ADAM18: variants seen among roughly 807,000 people sequenced by gnomAD.
The protein encoded by ADAM18 is disintegrin and metalloproteinase domain-containing protein 18.
In ADAM18, 117 loss-of-function variants were observed where a neutral mutation model predicts 94.4. The observed-to-expected ratio is 1.24, with a 90% CI of 1.07 to 1.45. The LOEUF (loss-of-function observed/expected upper bound fraction) is 1.45, where lower values mean the gene tolerates loss of function less well. ADAM18 is among the 40% of genes most tolerant of loss of function. The pLI is 0.00. For synonymous variants in ADAM18, 327 were observed against 291.6 expected (o/e 1.12, Z -1.24); for missense variants, 936 against 880.0 (o/e 1.06, Z -0.81).
intron 19 of ADAM18, among the ~76,000 whole-genome samples, chr8:39,728,547 T>TA (rs1347649704): frequency 6.6e-6 from 1 of 152,066 alleles, no homozygotes; most frequent in African/African-American, 2.4e-5. Context: ...ACAAAATATA[T>TA]AAAAAATAAA....
chr8:39,701,685 T>C (rs955507017), intron 17 of ADAM18, among the ~76,000 whole-genome samples: 6 of 152,152 alleles, frequency 3.9e-5, no homozygotes, highest in African/African-American at 7.2e-5. Flanking sequence ...TTCCCCTCTA[T>C]GTGTCCATGT....
intron 2 of ADAM18, among the ~76,000 whole-genome samples, chr8:39,605,236 G>C (rs1386974307): frequency 6.6e-6 from 1 of 152,188 alleles, no homozygotes; most frequent in Non-Finnish European, 1.5e-5. Flanking sequence ...GAAGAGAAAT[G>C]GTGGGTTTAG....
rs371356217 is a variant in ADAM18 at position 39,668,061 on chromosome 8, T to G, written c.1390T>G (p.Cys464Gly). The G allele has an allele frequency of 2.6e-5, 42 of 1,614,010 alleles. No individual in the cohort carries two copies. Among genetic ancestry groups the G allele is most frequent in the Non-Finnish European group, 3.3e-5 (39 of 1,180,010 alleles). ...IDPECDFTEY[C>G]NGTSSNCVPD... Reference sequence around the variant, plus strand: ...TCCAGAGTGTGATTTTACAGAGTACTGCAATGGAACCTCTAGTAATTGTGT... The same window carrying G: ...TCCAGAGTGTGATTTTACAGAGTACGGCAATGGAACCTCTAGTAATTGTGT... The change falls in exon 14 of 20, where the codon TGC (cysteine) becomes GGC (glycine). Residue 464 changes from cysteine (C) to glycine (G), a missense_variant. Coordinates refer to ENST00000265707, the MANE Select transcript of ADAM18 (RefSeq NM_014237.3).
At chr8:39,646,890 G>A (rs1254215962) in intron 11 of ADAM18, among the ~76,000 whole-genome samples, 1 of 152,076 alleles carries the variant, frequency 6.6e-6, no homozygotes, top group Non-Finnish European at 1.5e-5. Flanking sequence ...ATTGAAAGTA[G>A]AAGGAGAATG....
chr8:39,660,743 C>T (rs1186384575), intron 12 of ADAM18, among the ~76,000 whole-genome samples: 2 of 152,106 alleles, frequency 1.3e-5, no homozygotes, highest in Non-Finnish European at 2.9e-5. Flanking sequence ...ATAATATGAA[C>T]ATTCCAGTCC....
chr8:39,708,367 T>C (rs1389507404), intron 18 of ADAM18, among the ~76,000 whole-genome samples: 1 of 152,196 alleles, frequency 6.6e-6, no homozygotes, highest in Admixed American at 6.5e-5. Context: ...TAAAATCTCA[T>C]ATAGAATTAT....
Position 39,680,190 on chromosome 8 carries a change from C to G in ADAM18, c.1785C>G (p.Ala595=), listed in dbSNP as rs1296146374. The G allele has an allele frequency of 1.2e-6, 2 of 1,613,420 alleles. No individual in the cohort carries two copies. The highest frequency in any genetic ancestry group is 2.7e-5 in the African/African-American group (2 of 74,884). Reference sequence around the variant, plus strand: ...TGAGATCAGATGGAACAGACAATGCCTATGTGGCTGATGGCACCATGTGTG... The same window carrying G: ...TGAGATCAGATGGAACAGACAATGCGTATGTGGCTGATGGCACCATGTGTG... ...SSMRSDGTDN[A]YVADGTMCGP... The change falls in exon 16 of 20, where the codon GCC becomes GCG. Residue 595 remains alanine (A), a synonymous_variant. Transcript: ENST00000265707.
intron 10 of ADAM18, among the ~76,000 whole-genome samples, chr8:39,642,449 A>G (rs764596418): frequency 2.6e-5 from 4 of 152,002 alleles, no homozygotes; most frequent in African/African-American, 9.7e-5. Context: ...GGTATAAGGA[A>G]GGGGCCCTGT....
chr8:39,589,659 T>A (rs563251061), intron 2 of ADAM18, among the ~76,000 whole-genome samples: 4 of 151,722 alleles, frequency 2.6e-5, no homozygotes, highest in East Asian at 3.9e-4. Context: ...TATGTATGTA[T>A]ATATTTATTA....
At chr8:39,618,343 T>A (rs1819509376) in intron 6 of ADAM18, among the ~76,000 whole-genome samples, 1 of 152,062 alleles carries the variant, frequency 6.6e-6, no homozygotes, top group Admixed American at 6.5e-5. Flanking sequence ...TGGGGGTAGG[T>A]TAGTGAGGGA....
chr8:39,658,232 T>C (rs1020947694), intron 12 of ADAM18, among the ~76,000 whole-genome samples: 1 of 152,202 alleles, frequency 6.6e-6, no homozygotes, highest in Non-Finnish European at 1.5e-5. Context: ...CAGAATATCA[T>C]CCTCTCAAAG....
intron 18 of ADAM18, among the ~76,000 whole-genome samples, chr8:39,717,439 C>T (rs531095772): frequency 2.0e-5 from 3 of 151,788 alleles, no homozygotes; most frequent in Non-Finnish European, 4.4e-5. Context: ...AATTTTTTAT[C>T]CTGACATTTT....
At chr8:39,660,829 A>AT (rs1004742694) in intron 12 of ADAM18, among the ~76,000 whole-genome samples, 14 of 152,216 alleles carry the variant, frequency 9.2e-5, no homozygotes, top group African/African-American at 3.1e-4. Flanking sequence ...AACATTTATA[A>AT]TCTGTGCAAT....
intron 2 of ADAM18, among the ~76,000 whole-genome samples, chr8:39,606,006 T>A (rs909995411): frequency 4.6e-5 from 7 of 152,222 alleles, no homozygotes; most frequent in African/African-American, 1.7e-4. Flanking sequence ...GTCTCCAAAC[T>A]CACCCAGGTC....
intron 10 of ADAM18, among the ~76,000 whole-genome samples, chr8:39,642,973 G>C (rs1563288001): frequency 6.6e-6 from 1 of 151,996 alleles, no homozygotes; most frequent in African/African-American, 2.4e-5. Flanking sequence ...ACAGTGGTTT[G>C]TGATGCTCCT....
chr8:39,652,118 A>G (rs1467062546), intron 12 of ADAM18, among the ~76,000 whole-genome samples: 2 of 152,118 alleles, frequency 1.3e-5, no homozygotes, highest in African/African-American at 4.8e-5. Flanking sequence ...TATAGGAAAA[A>G]GCTCCACAAC....
chr8:39,631,515 G>GGTT (rs1819930223), intron 7 of ADAM18, among the ~76,000 whole-genome samples: 1 of 151,770 alleles, frequency 6.6e-6, no homozygotes, highest in Non-Finnish European at 1.5e-5. Flanking sequence ...CTATTCCTTA[G>GGTT]GTTGCTGTTC....
intron 10 of ADAM18, 51 bp downstream of exon 10, chr8:39,638,597 T>C (rs1195949966): frequency 2.1e-5 from 24 of 1,143,544 alleles, no homozygotes; most frequent in Non-Finnish European, 2.8e-5. Flanking sequence ...CCTTATATTA[T>C]ATTTTGTAAG....
At chr8:39,721,174 A>T (rs1822733810) in intron 18 of ADAM18, among the ~76,000 whole-genome samples, 1 of 151,574 alleles carries the variant, frequency 6.6e-6, no homozygotes, top group Non-Finnish European at 1.5e-5. Flanking sequence ...AAAATGATCC[A>T]CACTCACCCT....
Sources: gnomAD v4.1 joint callset for allele counts (sites outside exome capture counted in the v4.1 genomes callset) on GRCh38, gnomAD v4.1.1 for gene constraint, MANE v1.5 for transcripts, NCBI Gene and HGNC (gene_info 2026-07-23, HGNC 2026-07-21) for gene names.